Variants in EPN3 observed in about 807,000 individuals in gnomAD.
The protein encoded by EPN3 is epsin-3.
EPN3 carries 56 observed loss-of-function variants against 55.5 expected under a neutral mutation model. The observed-to-expected ratio is 1.01, with a 90% confidence interval of 0.81 to 1.26. EPN3 has a LOEUF of 1.26. Ranked by LOEUF, EPN3 falls within the 50% of genes most tolerant of loss-of-function variation. EPN3 has a pLI of 0.00. For synonymous variants in EPN3, 449 were observed against 375.2 expected (o/e 1.20, Z -2.27); for missense variants, 927 against 853.4 (o/e 1.09, Z -1.07).
At chr17:50,540,754 G>T in intron 6 of EPN3, 39 bp from the exon 7 acceptor site, 3 of 1,553,650 alleles carry the variant, frequency 1.9e-6, no homozygotes, top group South Asian at 1.2e-5. Flanking sequence ...GAGGGATAAG[G>T]GTGGGCCTGG....
At chr17:50,534,453 C>CCGGTAGGGGCGTGTGCTGGG (rs2034728944) in intron 1 of EPN3, 1 of 985,412 alleles carries the variant, frequency 1.0e-6, no homozygotes, top group Non-Finnish European at 1.2e-6. Context: ...CAGCGGCCAG[C>CCGGTAGGGGCGTGTGCTGGG]CGGTAGGGGC....
chr17:50,542,412 T>A lies in EPN3; in HGVS notation c.*255T>A. ...TTTTGCGGGGTGTGGCGGCCGGGTC[T>A]CGACCACAGCGTGGATCACCGGCTG... On this transcript the variant is annotated 3_prime_UTR_variant, in exon 10 of 10. Transcript: ENST00000268933. 2.3e-6 allele frequency: 1 copy of A among 430,632 alleles called. No homozygotes were observed. The highest frequency in any genetic ancestry group is 4.1e-6 in the Non-Finnish European group (1 of 245,390). 26.7% of individuals were successfully genotyped at this position (430,632 alleles called of 1,614,324 possible).
In EPN3 at chr17:50,542,055, C is replaced by G; in HGVS notation, c.1797C>G (p.Phe599Leu). The change falls in exon 10 of 10, where the codon TTC (phenylalanine) becomes TTG (leucine). Residue 599 changes from phenylalanine (F) to leucine (L), a missense_variant. Coordinates refer to ENST00000268933, the MANE Select transcript of EPN3 (RefSeq NM_017957.3). ...CCCTCCCCGCCTCGGTTAGCGTCTT[C>G]CCGCAGGCCGGAGCCTTCGCACCGC... ...GLTLPASVSV[F>L]PQAGAFAPQP... The G allele has an allele frequency of 6.3e-7, 1 of 1,593,016 alleles. No individual in the cohort carries two copies. The highest frequency in any genetic ancestry group is 1.1e-5 in the South Asian group (1 of 90,224).
chr17:50,542,080 CAG>C lies in EPN3; in HGVS notation c.1823_1824del (p.Gln608ProfsTer179), dbSNP rs1333216142. 6.3e-7 allele frequency: 1 copy of C among 1,579,094 alleles called. No homozygotes were observed. The highest frequency in any genetic ancestry group is 8.5e-7 in the Non-Finnish European group (1 of 1,172,308). ...CCCGCAGGCCGGAGCCTTCGCACCGCAGCCGCTGCTGCCCACGCCGAGCTCAG... is the reference window on the plus strand; with the variant it reads ...CCCGCAGGCCGGAGCCTTCGCACCGCCCGCTGCTGCCCACGCCGAGCTCAG... ...VFPQAGAFAP[Q>X]PLLPTPSSAG... On this transcript the variant is annotated frameshift_variant, in exon 10 of 10. Coordinates refer to ENST00000268933, the MANE Select transcript of EPN3 (RefSeq NM_017957.3). LOFTEE classifies it high-confidence loss of function.
intron 5 of EPN3, 51 bp from the exon 6 acceptor site, chr17:50,540,196 C>A: frequency 6.8e-7 from 1 of 1,465,472 alleles, no homozygotes; most frequent in Non-Finnish European, 9.5e-7. Flanking sequence ...GGCCTGCCCT[C>A]CCTCCAGGCC....
chr17:50,541,964 C>A lies in EPN3; in HGVS notation c.1706C>A (p.Pro569His). Residue 569 changes from proline (P) to histidine (H), a missense_variant, in exon 10 of 10, where the codon CCC becomes CAC. Coordinates refer to ENST00000268933, the MANE Select transcript of EPN3 (RefSeq NM_017957.3). ...CTGGCAGGCGGGCCTGTGGGGGCGC[C>A]CCTGGGCTCCATGACCTACAGCGCC... ...LGLAGGPVGA[P>H]LGSMTYSASL... 1 of 1,596,680 alleles carries A rather than the reference C, an allele frequency of 6.3e-7. No individual in the cohort carries two copies. Among genetic ancestry groups the A allele is most frequent in the South Asian group, 1.1e-5 (1 of 90,692 alleles).
chr17:50,532,767 C>T lies in EPN3; in HGVS notation c.-355C>T, dbSNP rs1469980890. 8 of 683,896 alleles carry T rather than the reference C, an allele frequency of 1.2e-5. No homozygotes were observed. Among genetic ancestry groups the T allele is most frequent in the South Asian group, 1.6e-5 (1 of 61,474 alleles). The allele number at this position is 683,896 out of a possible 1,614,324, so 42.4% of individuals were successfully genotyped here. On this transcript the variant is annotated 5_prime_UTR_variant, in exon 1 of 10. The change creates a new upstream start codon in the 5' untranslated region. Coordinates refer to ENST00000268933, the MANE Select transcript of EPN3 (RefSeq NM_017957.3). The stretch of plus-strand genomic sequence containing the variant: ...TGCCTGGCGCTGGCTAGGAGGCAAA[C>T]GCACGCGGGAAGAGCTGCTACCCAT...
chr17:50,537,361 T>C (rs1408153668), intron 2 of EPN3: 1 of 558,514 alleles, frequency 1.8e-6, no homozygotes, highest in Non-Finnish European at 3.2e-6. Flanking sequence ...GATGGCGCGA[T>C]AGTGGAAGCA....
chr17:50,532,942 G>A lies in EPN3; in HGVS notation c.-180G>A, dbSNP rs1486886683. 1 of 1,286,138 alleles carries A rather than the reference G, an allele frequency of 7.8e-7. No individual in the cohort carries two copies. Among genetic ancestry groups the A allele is most frequent in the East Asian group, 5.6e-5 (1 of 17,730 alleles). The allele number at this position is 1,286,138 out of a possible 1,614,324, so 79.7% of individuals were successfully genotyped here. On this transcript the variant is annotated 5_prime_UTR_variant, in exon 1 of 10. Transcript: ENST00000268933. ...GCACAGGTCGGAGGGTCACCGCAGA[G>A]GCTACTCGGGCTGGGGCTGGGGCCG...
In EPN3 at chr17:50,538,047, G is replaced by A. The variant is rs149926245; in HGVS notation, c.563-32G>A. On this transcript the variant is annotated intron_variant, in intron 2 of 9. Transcript: ENST00000268933. Reference sequence around the variant, plus strand: ...GGGGTGTGGGAGCCGATGGGTAATCGTGTGGTCACAGAGACATGATGGTCA... The same window carrying A: ...GGGGTGTGGGAGCCGATGGGTAATCATGTGGTCACAGAGACATGATGGTCA... The A allele has an allele frequency of 9.9e-4, 1,534 of 1,552,514 alleles. 18 individuals are homozygous for A. In the African/African-American group the frequency reaches 0.019, roughly 19 times the overall value.
At position 50,540,810 on chromosome 17, in the gene EPN3, G is replaced by A; in HGVS notation, c.997G>A (p.Glu333Lys). Residue 333 changes from glutamate (E) to lysine (K), a missense_variant, in exon 7 of 10, where the codon GAG (glutamate) becomes AAG (lysine). Transcript: ENST00000268933. ...CATTTCAGGTTTTAGGCCGAACACA[G>A]AGGCCAGTGGATCCTCCTGGGGGCC... is the stretch of plus-strand genomic sequence containing the variant. The part of the protein sequence containing the change: ...WDIPGFRPNT[E>K]ASGSSWGPSA... 1 of 1,610,978 alleles carries A rather than the reference G, an allele frequency of 6.2e-7. No homozygotes were observed. Among genetic ancestry groups the A allele is most frequent in the South Asian group, 1.1e-5 (1 of 90,876 alleles).
chr17:50,537,365 G>A (rs2144031834), intron 2 of EPN3: 1 of 552,092 alleles, frequency 1.8e-6, no homozygotes, highest in Middle Eastern at 4.7e-4. Context: ...GCGCGATAGT[G>A]GAAGCATGGG....
chr17:50,542,256 C>G lies in EPN3; in HGVS notation c.*99C>G. On this transcript the variant is annotated 3_prime_UTR_variant, in exon 10 of 10. Transcript: ENST00000268933. ...GCGGGGCGCCGGTGCTAGTGGAACG[C>G]CGAGCCAGTGGCGGCTGGTATCCCG... 1 of 1,275,018 alleles carries G rather than the reference C, an allele frequency of 7.8e-7. No individual in the cohort carries two copies. The highest frequency in any genetic ancestry group is 1.7e-5 in the South Asian group (1 of 58,808). The allele number at this position is 1,275,018 out of a possible 1,614,324, so 79.0% of individuals were successfully genotyped here.
chr17:50,543,292 G>A lies in EPN3; in HGVS notation c.*1135G>A, dbSNP rs1271603603. The A allele has an allele frequency of 1.3e-5, 2 of 152,308 alleles. No individual in the cohort carries two copies. The highest frequency in any genetic ancestry group is 6.5e-5 in the Admixed American group (1 of 15,286). 9.4% of individuals were successfully genotyped at this position (152,308 alleles called of 1,614,324 possible). A position where few individuals can be genotyped will look rare whatever the true frequency, so the allele number is the denominator to read the frequency against. ...CGAGAAACTCAGTCTTAGCCACACA[G>A]GAGGAATCGGACCCCTTCTGGGGGT... is the stretch of plus-strand genomic sequence containing the variant. On this transcript the variant is annotated 3_prime_UTR_variant, in exon 10 of 10. Coordinates refer to ENST00000268933, the MANE Select transcript of EPN3 (RefSeq NM_017957.3).
chr17:50,537,471 G>GCT, intron 2 of EPN3: 1 of 313,930 alleles, frequency 3.2e-6, no homozygotes, highest in South Asian at 4.2e-5. Flanking sequence ...CTGTACAGTG[G>GCT]GGATAAGCTC....
At position 50,536,208 on chromosome 17, in the gene EPN3, A is replaced by G. The variant is rs58297650; in HGVS notation, c.-136-213A>G. ...CCCATCTGTGGATGGAGGTAATGATAATAGCATCTTTGGGGTGTGGCTGTG... is the reference window on the plus strand; with the variant it reads ...CCCATCTGTGGATGGAGGTAATGATGATAGCATCTTTGGGGTGTGGCTGTG... On this transcript the variant is annotated intron_variant, in intron 1 of 9. Coordinates refer to ENST00000268933, the MANE Select transcript of EPN3 (RefSeq NM_017957.3). 9.6e-4 allele frequency: 284 copies of G among 296,160 alleles called. 5 individuals are homozygous for G. In the East Asian group the frequency reaches 0.021, roughly 21 times the overall value. The allele number at this position is 296,160 out of a possible 1,614,324, so 18.3% of individuals were successfully genotyped here. A position where few individuals can be genotyped will look rare whatever the true frequency, so the allele number is the denominator to read the frequency against.
Position 50,541,859 on chromosome 17 carries a change from C to T in EPN3, c.1601C>T (p.Ser534Phe). Residue 534 changes from serine (S) to phenylalanine (F), a missense_variant, in exon 10 of 10, where the codon TCC becomes TTC. Ser to Phe is a radical substitution (Grantham distance 155). Transcript: ENST00000268933. ...NPFLTGLSAP[S>F]PTNPFGAGEP... ...CGTTCTGCAGGTCTCAGCGCTCCGTCCCCCACCAACCCGTTCGGCGCGGGC... is the reference window on the plus strand; with the variant it reads ...CGTTCTGCAGGTCTCAGCGCTCCGTTCCCCACCAACCCGTTCGGCGCGGGC... 1 of 1,609,636 alleles carries T rather than the reference C, an allele frequency of 6.2e-7. No individual in the cohort carries two copies. Among genetic ancestry groups the T allele is most frequent in the Non-Finnish European group, 8.5e-7 (1 of 1,179,998 alleles).
intron 6 of EPN3, 42 bp downstream of exon 6, chr17:50,540,376 G>A (rs1391478281): frequency 6.4e-7 from 1 of 1,563,544 alleles, no homozygotes; most frequent in Admixed American, 1.8e-5. Context: ...GCTGGCCCAA[G>A]AGCCTCCTCC....
At chr17:50,541,427 C>G in intron 8 of EPN3, 37 bp from the exon 9 acceptor site, 1 of 1,610,954 alleles carries the variant, frequency 6.2e-7, no homozygotes, top group Non-Finnish European at 8.5e-7. Flanking sequence ...GCGCCAATCC[C>G]TTTCCCCACC....
Sources: gnomAD v4.1 joint callset for allele counts on GRCh38, gnomAD v4.1.1 for gene constraint, MANE v1.5 for transcripts, NCBI Gene and HGNC (gene_info 2026-07-23, HGNC 2026-07-21) for gene names.